PDZD11: variants seen among roughly 807,000 people sequenced by gnomAD.
The protein encoded by PDZD11 is PDZ domain-containing protein 11.
Under a neutral mutation model 13.7 loss-of-function variants are expected in PDZD11, and 2 were observed. The observed-to-expected ratio is 0.15, with a 90% CI of 0.06 to 0.46. PDZD11 has a LOEUF of 0.46. Among genes scored for constraint, PDZD11 ranks in the 20% least tolerant of loss-of-function variants. PDZD11 has a pLI of 0.98. For synonymous variants in PDZD11, 32 were observed against 37.5 expected (o/e 0.85, Z 0.54); for missense variants, 44 against 111.7 (o/e 0.39, Z 2.73).
chrX:70,287,591 C>T, intron 5 of PDZD11, 141 bp downstream of exon 5: 1 of 523,513 alleles, frequency 1.9e-6, no homozygotes, highest in South Asian at 3.0e-5. Context: ...CCTCAGCCTC[C>T]TAAGTAGCTG....
At chrX:70,287,534 C>T (rs959614010) in intron 5 of PDZD11, among the ~76,000 whole-genome samples, 198 bp from the exon 6 acceptor site, 13 of 111,210 alleles carry the variant, frequency 1.2e-4, no homozygotes, top group Non-Finnish European at 7.5e-5. Context: ...GGTCTTGCTG[C>T]GTTGCCTGGG....
At position 70,286,710 on chromosome X, in the gene PDZD11, G is replaced by T. The variant is rs1430222890; in HGVS notation, c.*372C>A. 5.9e-6 allele frequency: 1 copy of T among 170,221 alleles called. No individual in the cohort carries two copies. The highest frequency in any genetic ancestry group is 1.4e-4 in the East Asian group (1 of 7,106). 14.0% of individuals were successfully genotyped at this position (170,221 alleles called of 1,213,427 possible). The stretch of plus-strand genomic sequence containing the variant: ...GAATCTTCTGGTAGTGCAAGGATGG[G>T]ATAAGATGGCCAGGGAAGTCAGATG... On this transcript the variant is annotated 3_prime_UTR_variant, in exon 7 of 7. Transcript: ENST00000239666.
At chrX:70,288,065 T>C in intron 4 of PDZD11, 52 bp downstream of exon 4, 1 of 1,030,360 alleles carries the variant, frequency 9.7e-7, no homozygotes, top group Non-Finnish European at 1.4e-6. Flanking sequence ...CTGCAATCTG[T>C]TAATTTAACA....
chrX:70,289,165 G>A lies in PDZD11; in HGVS notation c.87+90C>T, dbSNP rs5980912. ...AGTGCTAAGATTCACTCTCCGTTTC[G>A]CCTTCTAACCCTGCTATCCTACCTT... On this transcript the variant is annotated intron_variant, in intron 2 of 6. Transcript: ENST00000239666. 4.2e-3 allele frequency: 3,043 copies of A among 718,173 alleles called. 70 individuals are homozygous for A. The African/African-American group carries it at 0.058, about 14-fold the overall frequency. 59.2% of individuals were successfully genotyped at this position (718,173 alleles called of 1,213,427 possible).
chrX:70,287,165 C>T, intron 6 of PDZD11, 49 bp from the exon 7 acceptor site: 1 of 1,164,529 alleles, frequency 8.6e-7, no homozygotes, highest in South Asian at 1.9e-5. Context: ...TATCTTCACG[C>T]TTGAGCTCCT....
In PDZD11 at chrX:70,289,207, G is replaced by A. The variant is rs1177741008; in HGVS notation, c.87+48C>T. On this transcript the variant is annotated intron_variant, in intron 2 of 6. Coordinates refer to ENST00000239666, the MANE Select transcript of PDZD11 (RefSeq NM_016484.5). ...TCCTACCTTTCATGCATCATCTCATGCCCACGGGGAAAAAAATCTCCTACT... is the reference window on the plus strand; with the variant it reads ...TCCTACCTTTCATGCATCATCTCATACCCACGGGGAAAAAAATCTCCTACT... 2.9e-6 allele frequency: 3 copies of A among 1,051,304 alleles called. No individual in the cohort carries two copies. In the East Asian group the frequency reaches 9.3e-5, roughly 33 times the overall value. The allele number at this position is 1,051,304 out of a possible 1,213,427, so 86.6% of individuals were successfully genotyped here.
chrX:70,289,331 C>T lies in PDZD11; in HGVS notation c.11G>A (p.Arg4Gln), dbSNP rs375379069. Residue 4 changes from arginine to glutamine, a missense_variant, in exon 2 of 7, where the codon CGG (arginine) becomes CAG (glutamine). Arg to Gln is a conservative substitution (Grantham distance 43). Transcript: ENST00000239666. Reference protein sequence around the residue: MDSRIPYDDYPVVF... With the variant: MDSQIPYDDYPVVF... Reference sequence around the variant, plus strand: ...CACCGGGTAGTCATCATAAGGAATCCGGCTGTCCATCTCGGGCAAGGCCCT... The same window carrying T: ...CACCGGGTAGTCATCATAAGGAATCTGGCTGTCCATCTCGGGCAAGGCCCT... The T allele has an allele frequency of 2.3e-5, 28 of 1,206,804 alleles. No individual in the cohort carries two copies. The highest frequency in any genetic ancestry group is 1.5e-4 in the Admixed American group (7 of 45,663).
At chrX:70,289,552 C>T (rs192151713) in intron 1 of PDZD11, 198 bp from the exon 2 acceptor site, 9 of 582,574 alleles carry the variant, frequency 1.5e-5, no homozygotes, top group Non-Finnish European at 2.0e-5. Context: ...TGCCAAGCAA[C>T]CTGTCAGGTA....
chrX:70,288,912 C>T (rs2147651871), intron 2 of PDZD11, among the ~76,000 whole-genome samples: 1 of 111,290 alleles, frequency 9.0e-6, no homozygotes, highest in South Asian at 3.8e-4. Flanking sequence ...CCATGTTGGT[C>T]AGGCTGGTCT....
rs777539638 is a variant in PDZD11 at position 70,287,367 on chromosome X, A to G, written c.328-31T>C. On this transcript the variant is annotated intron_variant, in intron 5 of 6. Transcript: ENST00000239666. ...AGGAACACAGCAGCTTGTACAAATGAAGAGATATGACCCAAGACAGAATCA... is the reference window on the plus strand; with the variant it reads ...AGGAACACAGCAGCTTGTACAAATGGAGAGATATGACCCAAGACAGAATCA... The G allele has an allele frequency of 3.1e-5, 36 of 1,152,380 alleles. No individual in the cohort carries two copies. The Admixed American group carries it at 7.4e-4, about 24-fold the overall frequency. The allele number at this position is 1,152,380 out of a possible 1,213,427, so 95.0% of individuals were successfully genotyped here.
intron 2 of PDZD11, 28 bp from the exon 3 acceptor site, chrX:70,288,541 T>C: frequency 9.1e-7 from 1 of 1,098,606 alleles, no homozygotes; most frequent in Non-Finnish European, 1.3e-6. Context: ...CCCAGAAATT[T>C]TACCAGTCTT....
chrX:70,289,349 A>G lies in PDZD11; in HGVS notation c.-8T>C, dbSNP rs1766081694. On this transcript the variant is annotated 5_prime_UTR_variant, in exon 2 of 7. Transcript: ENST00000239666. Reference sequence around the variant, plus strand: ...AGGAATCCGGCTGTCCATCTCGGGCAAGGCCCTGGAAGAGTGAATCAGAAC... The same window carrying G: ...AGGAATCCGGCTGTCCATCTCGGGCGAGGCCCTGGAAGAGTGAATCAGAAC... 8.3e-7 allele frequency: 1 copy of G among 1,204,270 alleles called. No homozygotes were observed. The highest frequency in any genetic ancestry group is 1.1e-6 in the Non-Finnish European group (1 of 891,178).
At position 70,288,947 on chromosome X, in the gene PDZD11, G is replaced by A. The variant is rs369682871; in HGVS notation, c.87+308C>T. ...TCGAACTCCCAACCTCAGGTGATCC[G>A]CCTGTTTCGGCCTCCCAAAGTGCTG... is the stretch of plus-strand genomic sequence containing the variant. On this transcript the variant is annotated intron_variant, in intron 2 of 6. Coordinates refer to ENST00000239666, the MANE Select transcript of PDZD11 (RefSeq NM_016484.5). 3.9e-3 allele frequency among the ~76,000 whole-genome samples: 439 copies of A among 111,313 alleles called. 3 individuals carry two copies. Among genetic ancestry groups the A allele is most frequent in the African/African-American group, 0.012 (379 of 30,643 alleles).
At chrX:70,287,986 G>T (rs2085730020) in intron 4 of PDZD11, 131 bp downstream of exon 4, 2 of 701,961 alleles carry the variant, frequency 2.8e-6, no homozygotes, top group Non-Finnish European at 4.4e-6. Context: ...AAGTGGGAAA[G>T]GGGGTGTCTC....
At chrX:70,289,567 AG>A (rs1168970544) in intron 1 of PDZD11, 8 of 482,625 alleles carry the variant, frequency 1.7e-5, no homozygotes, top group Non-Finnish European at 2.6e-5. Flanking sequence ...CAGGTACTCT[AG>A]AAAGAGGACC....
At chrX:70,289,572 G>C (rs984889337) in intron 1 of PDZD11, 1 of 463,403 alleles carries the variant, frequency 2.2e-6, no homozygotes, top group Non-Finnish European at 3.4e-6. Flanking sequence ...ACTCTAGAAA[G>C]AGGACCTCAT....
chrX:70,286,969 C>T lies in PDZD11; in HGVS notation c.*113G>A. 1.5e-6 allele frequency: 1 copy of T among 654,700 alleles called. No homozygotes were observed. The highest frequency in any genetic ancestry group is 2.4e-6 in the Non-Finnish European group (1 of 420,287). 54.0% of individuals were successfully genotyped at this position (654,700 alleles called of 1,213,427 possible). ...GTAATGCAGTTGGTTAGCTGTCTCC[C>T]CATCCTCCCAACTCACTATTCCAGG... On this transcript the variant is annotated 3_prime_UTR_variant, in exon 7 of 7. Transcript: ENST00000239666.
At chrX:70,287,197 AG>A in intron 6 of PDZD11, 78 bp downstream of exon 6, 4 of 1,139,719 alleles carry the variant, frequency 3.5e-6, no homozygotes, top group Non-Finnish European at 3.6e-6. Flanking sequence ...CCCAACTTGT[AG>A]GGCCTCTAGT....
intron 4 of PDZD11, 24 bp downstream of exon 4, chrX:70,288,093 A>G: frequency 8.6e-7 from 1 of 1,159,103 alleles, no homozygotes; most frequent in Non-Finnish European, 1.2e-6. Context: ...GTAACGATCC[A>G]TATTGCCTAC....
Sources: allele counts gnomAD v4.1 joint callset (sites outside exome capture counted in the v4.1 genomes callset), GRCh38; gene constraint gnomAD v4.1.1; transcripts MANE v1.5; gene names NCBI Gene and HGNC (gene_info 2026-07-23, HGNC 2026-07-21).